SKI: variants seen among roughly 807,000 people sequenced by gnomAD.
SKI encodes the protein SKI proto-oncogene.
In SKI, 23 loss-of-function variants were observed where a neutral mutation model predicts 59.3. The ratio of observed to expected loss-of-function variants is 0.39; its 90% CI spans 0.28 to 0.55. SKI has a LOEUF of 0.55. Ranked by LOEUF, SKI falls within the 20% of genes least tolerant of loss-of-function variation. SKI has a pLI of 0.67. For missense variants in SKI, 1,017 were observed against 1,038.9 expected (o/e 0.98, Z 0.29); for synonymous variants, 673 against 488.6 (o/e 1.38, Z -4.98).
At chr1:2,232,103 A>G (rs1196964742) in intron 1 of SKI, among the ~76,000 whole-genome samples, 1 of 152,220 alleles carries the variant, frequency 6.6e-6, no homozygotes, top group Admixed American at 6.5e-5. Flanking sequence ...CTCCGCCCTC[A>G]CTGGCCGCCG....
chr1:2,239,767 C>T (rs891594083), intron 1 of SKI, among the ~76,000 whole-genome samples: 4 of 152,250 alleles, frequency 2.6e-5, no homozygotes, highest in African/African-American at 9.6e-5. Context: ...GCAGCTTTCA[C>T]GGCTCCGGGG....
intron 5 of SKI, 40 bp downstream of exon 5, chr1:2,304,625 G>A (rs1404803606): frequency 6.6e-7 from 1 of 1,519,774 alleles, no homozygotes; most frequent in Non-Finnish European, 8.8e-7. Flanking sequence ...CAGGGCACGG[G>A]CAGTGAGCAC....
intron 1 of SKI, among the ~76,000 whole-genome samples, chr1:2,256,456 C>T (rs976046604): frequency 2.0e-5 from 3 of 152,372 alleles, no homozygotes; most frequent in Non-Finnish European, 2.9e-5. Flanking sequence ...CTGCCCCCTC[C>T]CTCTGTGGTC....
chr1:2,274,289 G>A (rs567750252), intron 1 of SKI, among the ~76,000 whole-genome samples: 1 of 152,178 alleles, frequency 6.6e-6, no homozygotes, highest in African/African-American at 2.4e-5. Context: ...ACTTGGTTCC[G>A]GCAAGTTCTT....
chr1:2,235,761 A>G (rs1638738344), intron 1 of SKI, among the ~76,000 whole-genome samples: 2 of 152,222 alleles, frequency 1.3e-5, no homozygotes, highest in South Asian at 4.1e-4. Flanking sequence ...GATTGTGGGG[A>G]CAATAGTAAA....
chr1:2,290,981 G>A (rs1474174595), intron 1 of SKI, among the ~76,000 whole-genome samples: 1 of 152,174 alleles, frequency 6.6e-6, no homozygotes, highest in Non-Finnish European at 1.5e-5. Context: ...AATCTTTGGC[G>A]AGGGTGGCAG....
intron 1 of SKI, among the ~76,000 whole-genome samples, chr1:2,261,034 G>A (rs1639377445): frequency 6.6e-6 from 1 of 152,180 alleles, no homozygotes. Flanking sequence ...TGCCTAAGGT[G>A]TTCAGATGTT....
At position 2,228,790 on chromosome 1, in the gene SKI, C is replaced by T; in HGVS notation, c.24C>T (p.Arg8=). 1.5e-6 allele frequency: 2 copies of T among 1,317,308 alleles called. No individual in the cohort carries two copies. The allele number at this position is 1,317,308 out of a possible 1,614,324, so 81.6% of individuals were successfully genotyped here. Residue 8 remains arginine, a synonymous_variant, in exon 1 of 7, where the codon CGC becomes CGT. Coordinates refer to ENST00000378536, the MANE Select transcript of SKI (RefSeq NM_003036.4). The part of the protein sequence containing the change: MEAAAGG[R]GCFQPHPGLQ... ...CCATGGAGGCGGCGGCAGGCGGCCG[C>T]GGCTGTTTCCAGCCGCACCCGGGGC...
At chr1:2,263,234 AT>A (rs35975887) in intron 1 of SKI, among the ~76,000 whole-genome samples, 3,003 of 118,416 alleles carry the variant, frequency 0.025, 76 homozygotes, top group East Asian at 0.12. Context: ...TTTGCTTAGA[AT>A]TTTTTTTTTT....
intron 1 of SKI, among the ~76,000 whole-genome samples, chr1:2,298,753 C>T (rs1210785866): frequency 6.6e-6 from 1 of 152,216 alleles, no homozygotes; most frequent in Non-Finnish European, 1.5e-5. Context: ...GCTGCTGTAT[C>T]AACGCGCCCA....
chr1:2,304,418 GC>G lies in SKI; in HGVS notation c.1605del (p.Ser536ValfsTer36). 1 of 1,555,188 alleles carries G rather than the reference GC, an allele frequency of 6.4e-7. No homozygotes were observed. Among genetic ancestry groups the G allele is most frequent in the East Asian group, 2.4e-5 (1 of 41,158 alleles). ...AVPDAAAPADAPSGLEAELEH... is the reference protein window; with the variant it reads ...AVPDAAAPADXPSGLEAELEH... ...CCCTGATGCTGCGGCCCCTGCCGAC[GC>G]CCCCAGTGGGCTGGAGGCGGAGCTG... On this transcript the variant is annotated frameshift_variant, in exon 5 of 7. Transcript: ENST00000378536. LOFTEE classifies it high-confidence loss of function.
rs137914085 is a variant in SKI, at chr1:2,299,672, G to C, written c.970-3306G>C. ...CCACTCATGTTGTGCCAGGGGCCTG[G>C]GGAAGGGAGATGGCAGTTCTGTGAC... On this transcript the variant is annotated intron_variant, in intron 1 of 6. Transcript: ENST00000378536. Among the ~76,000 whole-genome samples the C allele has an allele frequency of 3.3e-4, 50 of 152,326 alleles. No individual in the cohort carries two copies. The East Asian group carries it at 8.1e-3, about 25-fold the overall frequency.
rs1639547814 is a variant in SKI at position 2,268,569 on chromosome 1, G to A, written c.970-34409G>A. On this transcript the variant is annotated intron_variant, in intron 1 of 6. Transcript: ENST00000378536. This position sits in a 1 kb window ranked among gnomAD's most constrained non-coding sequence, Gnocchi z 5.0. ...CTGCAGGGCAGCCATGGCCCATTTG[G>A]CTGGTGCTGAGACAAGGTGAATTTT... is the stretch of plus-strand genomic sequence containing the variant. 6.6e-6 allele frequency among the ~76,000 whole-genome samples: 1 copy of A among 152,222 alleles called. No individual in the cohort carries two copies. The highest frequency in any genetic ancestry group is 6.5e-5 in the Admixed American group (1 of 15,284).
chr1:2,285,470 G>A (rs377203493), intron 1 of SKI, among the ~76,000 whole-genome samples: 60 of 151,826 alleles, frequency 4.0e-4, no homozygotes, highest in East Asian at 1.2e-3. Flanking sequence ...AGCTGAGATC[G>A]TGCCACTGCA....
At position 2,306,808 on chromosome 1, in the gene SKI, A is replaced by AG. The variant is rs1322310334; in HGVS notation, c.*49dup. 9 of 1,392,558 alleles carry AG rather than the reference A, an allele frequency of 6.5e-6. No homozygotes were observed. Among genetic ancestry groups the AG allele is most frequent in the South Asian group, 4.3e-5 (3 of 70,186 alleles). The allele number at this position is 1,392,558 out of a possible 1,614,324, so 86.3% of individuals were successfully genotyped here. On this transcript the variant is annotated 3_prime_UTR_variant, in exon 7 of 7. Coordinates refer to ENST00000378536, the MANE Select transcript of SKI (RefSeq NM_003036.4). ...GCAGCGCCGCCGACAACGCGGGTGC[A>AG]GGGGGGCGCGGCTGGGCGGTGCAGC...
At position 2,228,729 on chromosome 1, in the gene SKI, C is replaced by G; in HGVS notation, c.-38C>G. On this transcript the variant is annotated 5_prime_UTR_variant, in exon 1 of 7. Coordinates refer to ENST00000378536, the MANE Select transcript of SKI (RefSeq NM_003036.4). ...GGCGGGGGCCGGGGGGGCCCGGGCG[C>G]GCGGGAGCGGGAGCGGCCGGGGGAG... 1 of 1,034,126 alleles carries G rather than the reference C, an allele frequency of 9.7e-7. No homozygotes were observed. Among genetic ancestry groups the G allele is most frequent in the Non-Finnish European group, 1.2e-6 (1 of 863,004 alleles). 64.1% of individuals were successfully genotyped at this position (1,034,126 alleles called of 1,614,324 possible). A position where few individuals can be genotyped will look rare whatever the true frequency, so the allele number is the denominator to read the frequency against.
At chr1:2,238,971 C>A (rs1461946847) in intron 1 of SKI, among the ~76,000 whole-genome samples, 3 of 152,150 alleles carry the variant, frequency 2.0e-5, no homozygotes, top group Admixed American at 1.3e-4. Flanking sequence ...GGGGTGGGGA[C>A]CCGGCCTGGC....
intron 1 of SKI, among the ~76,000 whole-genome samples, chr1:2,277,656 G>A (rs1639772981): frequency 6.6e-6 from 1 of 152,036 alleles, no homozygotes; most frequent in South Asian, 2.1e-4. Context: ...AGCACTGTGG[G>A]CGCACACACC....
At chr1:2,250,831 A>C (rs1446532673) in intron 1 of SKI, among the ~76,000 whole-genome samples, 1 of 152,214 alleles carries the variant, frequency 6.6e-6, no homozygotes, top group Non-Finnish European at 1.5e-5. Flanking sequence ...TCGTTGCCCT[A>C]GGCAGCTGGC....
Sources: gnomAD v4.1 joint callset for allele counts (sites outside exome capture counted in the v4.1 genomes callset) on GRCh38, gnomAD v4.1.1 for gene constraint, Gnocchi (gnomAD v3.1) non-coding constraint, MANE v1.5 for transcripts, NCBI Gene and HGNC (gene_info 2026-07-23, HGNC 2026-07-21) for gene names.